Variants in ACTR3C observed in about 807,000 individuals in gnomAD.
The protein encoded by ACTR3C is actin-related protein 3C.
Under a neutral mutation model 26.3 loss-of-function variants are expected in ACTR3C, and 18 were observed. That is an observed-to-expected ratio of 0.68 (90% confidence interval 0.47 to 1.01). ACTR3C has a LOEUF of 1.01. Ranked by LOEUF, ACTR3C falls within the 50% of genes least tolerant of loss-of-function variation. ACTR3C has a pLI of 0.00. For synonymous variants in ACTR3C, 55 were observed against 94.5 expected, an observed-to-expected ratio of 0.58 and a Z score of 2.42; for missense variants, 184 against 250.7, an observed-to-expected ratio of 0.73 and a Z score of 1.80.
At chr7:150,045,781 T>G in the ACTR3C span, among the ~76,000 whole-genome samples, 1 of 152,248 alleles carries the variant, frequency 6.6e-6, no homozygotes, top group East Asian at 1.9e-4. Flanking sequence ...GAAATAAAAT[T>G]CAGAGCTCTT....
chr7:150,298,679 A>T (rs560035403), intron 1 of ACTR3C, among the ~76,000 whole-genome samples: 1 of 147,074 alleles, frequency 6.8e-6, no homozygotes, highest in East Asian at 2.0e-4. Context: ...CAAATGGGAA[A>T]TTCAACTACT....
At chr7:150,235,033 A>G in the ACTR3C span, among the ~76,000 whole-genome samples, 1 of 152,214 alleles carries the variant, frequency 6.6e-6, no homozygotes, top group Non-Finnish European at 1.5e-5. Flanking sequence ...CATTAGCACT[A>G]GGCTTTTGTC....
chr7:150,264,242 G>A (rs906881057), intron 6 of ACTR3C, among the ~76,000 whole-genome samples: 10 of 152,220 alleles, frequency 6.6e-5, no homozygotes, highest in Non-Finnish European at 8.8e-5. Flanking sequence ...ACCGTGAAAC[G>A]TCATGTGAGC....
the ACTR3C span, among the ~76,000 whole-genome samples, chr7:150,039,297 G>C: frequency 6.6e-6 from 1 of 150,714 alleles, no homozygotes; most frequent in African/African-American, 2.5e-5. Flanking sequence ...CCTGCGATGG[G>C]GGTACCAACA....
At chr7:150,048,931 C>G in the ACTR3C span, among the ~76,000 whole-genome samples, 1 of 152,048 alleles carries the variant, frequency 6.6e-6, no homozygotes, top group African/African-American at 2.4e-5. Flanking sequence ...CCCTCGCGGG[C>G]GCTGCGCCCC....
At chr7:150,003,476 G>A in the ACTR3C span, among the ~76,000 whole-genome samples, 1 of 152,404 alleles carries the variant, frequency 6.6e-6, no homozygotes, top group South Asian at 2.1e-4. Flanking sequence ...TGTGTGTGGT[G>A]TGTATGATGT....
chr7:150,242,059 T>TG (rs1380163429), downstream of ACTR3C, among the ~76,000 whole-genome samples: 2 of 151,800 alleles, frequency 1.3e-5, no homozygotes, highest in African/African-American at 4.8e-5. Context: ...CTATTAAAAA[T>TG]ACAAAAATTA....
In ACTR3C at chr7:150,288,049, G is replaced by A. The variant is rs143375978; in HGVS notation, c.297+1401C>T. Among the ~76,000 whole-genome samples, 107 of 145,770 alleles carry A rather than the reference G, an allele frequency of 7.3e-4. 1 individual carries two copies. The highest frequency in any genetic ancestry group is 2.3e-3 in the African/African-American group (87 of 37,362). ...GAAGGCCATGGCAGTAAGGGGAAGC[G>A]GGGGGAGCTCTAAACCACGCCTTTC... On this transcript the variant is annotated intron_variant, in intron 4 of 7. Coordinates refer to ENST00000683684, the MANE Select transcript of ACTR3C (RefSeq NM_001164458.2).
chr7:150,029,761 C>A, the ACTR3C span, among the ~76,000 whole-genome samples: 45 of 152,034 alleles, frequency 3.0e-4, no homozygotes, highest in Non-Finnish European at 5.7e-4. Flanking sequence ...CTGCCCATCT[C>A]CGAGGGTCAT....
chr7:150,259,688 T>C, intron 6 of ACTR3C, among the ~76,000 whole-genome samples: 1 of 152,164 alleles, frequency 6.6e-6, no homozygotes, highest in Non-Finnish European at 1.5e-5. Context: ...AGAAATAATA[T>C]TTTTTATCCT....
At chr7:150,098,276 G>A in the ACTR3C span, among the ~76,000 whole-genome samples, 2 of 151,782 alleles carry the variant, frequency 1.3e-5, no homozygotes, top group Admixed American at 1.3e-4. Context: ...GTAATGTTGA[G>A]CAATGAAGAC....
chr7:149,997,609 A>T, the ACTR3C span, among the ~76,000 whole-genome samples: 1 of 151,524 alleles, frequency 6.6e-6, no homozygotes, highest in Non-Finnish European at 1.5e-5. Flanking sequence ...TTGCAATTCC[A>T]CATAAAGGCA....
At chr7:150,279,928 C>T (rs1835181514) in intron 6 of ACTR3C, among the ~76,000 whole-genome samples, 1 of 152,046 alleles carries the variant, frequency 6.6e-6, no homozygotes, top group Admixed American at 6.5e-5. Context: ...ATACTTAAAT[C>T]CCCTAATTTA....
At chr7:150,254,700 AT>A (rs1009658415) in intron 6 of ACTR3C, among the ~76,000 whole-genome samples, 4 of 151,926 alleles carry the variant, frequency 2.6e-5, no homozygotes, top group African/African-American at 9.7e-5. Context: ...TACACCCATC[AT>A]TTCAGTTGCT....
rs1238920968 is a variant in ACTR3C, at chr7:150,274,756, C to T, written c.564+9997G>A. 6.6e-6 allele frequency among the ~76,000 whole-genome samples: 1 copy of T among 152,198 alleles called. No homozygotes were observed. Among genetic ancestry groups the T allele is most frequent in the African/African-American group, 2.4e-5 (1 of 41,462 alleles). ...CGCCTATACTCTTAACCACGACAAA[C>T]TAAAAATAATACTGCTCAAAACGCT... On this transcript the variant is annotated intron_variant, in intron 6 of 7. Transcript: ENST00000683684. The surrounding 1 kb of genome is among the most constrained non-coding windows in gnomAD (Gnocchi z 4.1).
At chr7:150,122,424 A>G in the ACTR3C span, among the ~76,000 whole-genome samples, 2 of 152,200 alleles carry the variant, frequency 1.3e-5, no homozygotes, top group East Asian at 1.9e-4. Context: ...AAAAGTGGGC[A>G]AAGGATATGA....
At chr7:150,287,881 G>A (rs1338048865) in intron 4 of ACTR3C, among the ~76,000 whole-genome samples, 1 of 143,744 alleles carries the variant, frequency 7.0e-6, no homozygotes, top group African/African-American at 2.8e-5. Flanking sequence ...CAGCATCTCA[G>A]CTTACTTAAC....
the ACTR3C span, among the ~76,000 whole-genome samples, chr7:150,182,239 A>C: frequency 6.6e-6 from 1 of 150,708 alleles, no homozygotes; most frequent in South Asian, 2.1e-4. Flanking sequence ...ATTACTGTGG[A>C]TTTGTTAGCT....
chr7:150,314,652 A>G (rs1194093381), intron 1 of ACTR3C, among the ~76,000 whole-genome samples: 3 of 152,000 alleles, frequency 2.0e-5, no homozygotes, highest in African/African-American at 7.3e-5. Flanking sequence ...ATTTAAAAAT[A>G]ATGTTTAAGG....
Sources: gnomAD v4.1 joint callset for allele counts (sites outside exome capture counted in the v4.1 genomes callset) on GRCh38, gnomAD v4.1.1 for gene constraint, Gnocchi (gnomAD v3.1) non-coding constraint, MANE v1.5 for transcripts, NCBI Gene and HGNC (gene_info 2026-07-23, HGNC 2026-07-21) for gene names.